The following SH2D4A variants were observed in gnomAD, a reference collection of about 807,000 sequenced individuals.
SH2D4A encodes the protein SH2 domain containing 4A, also known as SH2 domain-containing protein 4A.
In SH2D4A, 70 loss-of-function variants were observed where a neutral mutation model predicts 64.7. The ratio of observed to expected loss-of-function variants is 1.08; its 90% CI spans 0.89 to 1.32. The LOEUF (loss-of-function observed/expected upper bound fraction) is 1.32. SH2D4A is among the 40% of genes most tolerant of loss of function. The pLI is 0.00. For missense variants in SH2D4A, 706 were observed against 540.1 expected, an observed-to-expected ratio of 1.31 and a Z score of -3.04; for synonymous variants, 268 against 200.7, an observed-to-expected ratio of 1.34 and a Z score of -2.83.
chr8:19,384,583 A>G (rs1285859842), intron 8 of SH2D4A, among the ~76,000 whole-genome samples: 2 of 152,220 alleles, frequency 1.3e-5, no homozygotes, highest in African/African-American at 2.4e-5. Context: ...TAATATTTGT[A>G]AACTAAGTAA....
chr8:19,393,166 G>T (rs902753171), intron 8 of SH2D4A, 152 bp from the exon 9 acceptor site: 1 of 663,602 alleles, frequency 1.5e-6, no homozygotes, highest in East Asian at 2.7e-5. Flanking sequence ...AGAATATTCC[G>T]TATTCCTAAG....
At chr8:19,315,405 G>T (rs1308090355) in intron 1 of SH2D4A, among the ~76,000 whole-genome samples, 2 of 152,148 alleles carry the variant, frequency 1.3e-5, no homozygotes, top group African/African-American at 2.4e-5. Context: ...CAAAGTGTTG[G>T]GATTACATGT....
chr8:19,391,186 C>T (rs891146626), intron 8 of SH2D4A, among the ~76,000 whole-genome samples: 1 of 152,156 alleles, frequency 6.6e-6, no homozygotes, highest in Non-Finnish European at 1.5e-5. Flanking sequence ...CCCGCATGGG[C>T]TGGTACCTGG....
chr8:19,389,984 C>T (rs1034394487), intron 8 of SH2D4A, among the ~76,000 whole-genome samples: 1 of 152,178 alleles, frequency 6.6e-6, no homozygotes, highest in Non-Finnish European at 1.5e-5. Flanking sequence ...GAAGCAGCAC[C>T]AATGTGTCAT....
rs1426895014 is a variant in SH2D4A at position 19,344,786 on chromosome 8, C to T, written c.513+9929C>T. On this transcript the variant is annotated intron_variant, in intron 4 of 9. Coordinates refer to ENST00000265807, the MANE Select transcript of SH2D4A (RefSeq NM_022071.4). ...GTTTCAGATTTCAGCTTTTTTTTCCCAGATTTTTATAAAAGAAATACTGTG... is the reference window on the plus strand; with the variant it reads ...GTTTCAGATTTCAGCTTTTTTTTCCTAGATTTTTATAAAAGAAATACTGTG... Among the ~76,000 whole-genome samples, 4 of 151,820 alleles carry T rather than the reference C, an allele frequency of 2.6e-5. No individual in the cohort carries two copies. The East Asian group carries it at 5.8e-4, about 22-fold the overall frequency.
intron 4 of SH2D4A, among the ~76,000 whole-genome samples, chr8:19,337,238 C>G (rs1218710285): frequency 6.6e-6 from 1 of 152,170 alleles, no homozygotes; most frequent in Non-Finnish European, 1.5e-5. Context: ...GCAGGCCACA[C>G]AGCGAGGAGC....
chr8:19,364,582 C>A (rs566281441), intron 7 of SH2D4A, among the ~76,000 whole-genome samples: 1 of 152,058 alleles, frequency 6.6e-6, no homozygotes, highest in South Asian at 2.1e-4. Flanking sequence ...CTTTCCCTCC[C>A]CCGCCCCCCT....
At chr8:19,317,503 G>A (rs2052109789) in intron 1 of SH2D4A, among the ~76,000 whole-genome samples, 2 of 75,448 alleles carry the variant, frequency 2.7e-5, no homozygotes, top group Admixed American at 2.9e-4. Context: ...AGGGATAGGT[G>A]TAGTTTCATC....
chr8:19,383,146 C>G (rs1442708479), intron 8 of SH2D4A, among the ~76,000 whole-genome samples: 1 of 146,526 alleles, frequency 6.8e-6, no homozygotes. Context: ...CAAATACTCT[C>G]TCTGCCCCCT....
intron 2 of SH2D4A, among the ~76,000 whole-genome samples, chr8:19,320,283 G>C (rs2052165834): frequency 6.6e-6 from 1 of 152,078 alleles, no homozygotes; most frequent in Non-Finnish European, 1.5e-5. Flanking sequence ...ATCTCTGGTA[G>C]TTTGAGAGGG....
chr8:19,366,741 A>G (rs2410610), intron 7 of SH2D4A, among the ~76,000 whole-genome samples: 144,244 of 152,140 alleles, frequency 0.95, 68,416 homozygotes, highest in East Asian at 1. Flanking sequence ...GTTGTGAGCC[A>G]AGATCACACC....
At chr8:19,337,795 A>G (rs960525103) in intron 4 of SH2D4A, among the ~76,000 whole-genome samples, 1 of 152,068 alleles carries the variant, frequency 6.6e-6, no homozygotes, top group Non-Finnish European at 1.5e-5. Context: ...CATGGGAAAG[A>G]CCCACCCCCA....
Position 19,393,336 on chromosome 8 carries a change from A to G in SH2D4A, c.1067A>G (p.Lys356Arg). 1 of 1,614,184 alleles carries G rather than the reference A, an allele frequency of 6.2e-7. No individual in the cohort carries two copies. Among genetic ancestry groups the G allele is most frequent in the Non-Finnish European group, 8.5e-7 (1 of 1,180,022 alleles). The part of the protein sequence containing the change: ...PWFHGILTLK[K>R]ANELLLSTGM... ...GCCACAGGAATTCTCACACTCAAGA[A>G]AGCAAATGAACTTCTTCTGAGCACA... is the stretch of plus-strand genomic sequence containing the variant. Residue 356 changes from lysine to arginine, a missense_variant, in exon 9 of 10, where the codon AAA becomes AGA. Lys to Arg is a conservative substitution (Grantham distance 26). Coordinates refer to ENST00000265807, the MANE Select transcript of SH2D4A (RefSeq NM_022071.4).
At chr8:19,393,082 A>G (rs1264757011) in intron 8 of SH2D4A, among the ~76,000 whole-genome samples, 1 of 152,162 alleles carries the variant, frequency 6.6e-6, no homozygotes, top group African/African-American at 2.4e-5. Flanking sequence ...TTAAGCTCTC[A>G]TGTATACCTC....
chr8:19,387,309 ACCACCACACCCAG>A (rs2053407267), intron 8 of SH2D4A, among the ~76,000 whole-genome samples: 1 of 96,276 alleles, frequency 1.0e-5, no homozygotes, highest in Admixed American at 9.7e-5. Flanking sequence ...GCAGGTGTAT[ACCACCACACCCAG>A]CTAATAGTTT....
At position 19,395,682 on chromosome 8, in the gene SH2D4A, GGCCACCAGCAGAA is replaced by G. The variant is rs1554489687; in HGVS notation, c.*1045_*1057del. ...AAGGGAAGGGACACCAAGGATCTCC[GGCCACCAGCAGAA>G]GCCAGCAGAGAGGCATGGGACAGGT... On this transcript the variant is annotated 3_prime_UTR_variant, in exon 10 of 10. Coordinates refer to ENST00000265807, the MANE Select transcript of SH2D4A (RefSeq NM_022071.4). The G allele has an allele frequency of 6.6e-6, 1 of 152,152 alleles. No individual in the cohort carries two copies. Among genetic ancestry groups the G allele is most frequent in the Non-Finnish European group, 1.5e-5 (1 of 68,086 alleles). The allele number at this position is 152,152 out of a possible 1,614,324, so 9.4% of individuals were successfully genotyped here.
At position 19,364,157 on chromosome 8, in the gene SH2D4A, C is replaced by A. The variant is rs775649509; in HGVS notation, c.792C>A (p.Ala264=). ...REDYKRLSLG[A]QKGRGGERLQ... Reference sequence around the variant, plus strand: ...ACTACAAGAGGTTATCCCTCGGGGCCCAGAAAGGAAGAGGCGGTGAGAGGC... The same window carrying A: ...ACTACAAGAGGTTATCCCTCGGGGCACAGAAAGGAAGAGGCGGTGAGAGGC... The change falls in exon 7 of 10, where the codon GCC becomes GCA. Residue 264 remains alanine (A), a synonymous_variant. Coordinates refer to ENST00000265807, the MANE Select transcript of SH2D4A (RefSeq NM_022071.4). 9 of 1,613,888 alleles carry A rather than the reference C, an allele frequency of 5.6e-6. No individual in the cohort carries two copies. Among genetic ancestry groups the A allele is most frequent in the South Asian group, 1.1e-5 (1 of 91,074 alleles).
At chr8:19,376,272 C>G (rs184325819) in intron 8 of SH2D4A, among the ~76,000 whole-genome samples, 1 of 152,120 alleles carries the variant, frequency 6.6e-6, no homozygotes, top group African/African-American at 2.4e-5. Flanking sequence ...ACTGACTGGA[C>G]GAAGCCCACA....
chr8:19,349,312 C>A (rs1053586950), intron 4 of SH2D4A, among the ~76,000 whole-genome samples: 5 of 152,106 alleles, frequency 3.3e-5, no homozygotes, highest in Admixed American at 6.6e-5. Flanking sequence ...AGAATAAAAT[C>A]TTATATAAGA....
Sources: gnomAD v4.1 joint callset for allele counts (sites outside exome capture counted in the v4.1 genomes callset) on GRCh38, gnomAD v4.1.1 for gene constraint, MANE v1.5 for transcripts, NCBI Gene and HGNC (gene_info 2026-07-23, HGNC 2026-07-21) for gene names.